Variants in FARS2 observed in about 807,000 individuals in gnomAD.
FARS2 encodes phenylalanine--tRNA ligase, mitochondrial.
FARS2 carries 40 observed loss-of-function variants against 46.4 expected under a neutral mutation model. That is an observed-to-expected ratio of 0.86 (90% confidence interval 0.67 to 1.12). The LOEUF is 1.12. Ranked by LOEUF, FARS2 falls within the 50% of genes most tolerant of loss-of-function variation. The pLI is 0.00. For missense variants in FARS2, 513 were observed against 567.9 expected, an observed-to-expected ratio of 0.90 and a Z score of 0.98; for synonymous variants, 234 against 214.9, an observed-to-expected ratio of 1.09 and a Z score of -0.78.
chr6:5,554,001 C>G (rs1170739095), intron 5 of FARS2, among the ~76,000 whole-genome samples: 1 of 152,160 alleles, frequency 6.6e-6, no homozygotes, highest in Non-Finnish European at 1.5e-5. Context: ...TTGAGTATAA[C>G]TATTATAATA....
At chr6:5,693,133 A>G (rs1757872055) in intron 6 of FARS2, among the ~76,000 whole-genome samples, 1 of 152,256 alleles carries the variant, frequency 6.6e-6, no homozygotes, top group African/African-American at 2.4e-5. Context: ...TTTACTTTAC[A>G]CATAGCAAAT....
intron 6 of FARS2, among the ~76,000 whole-genome samples, chr6:5,650,328 T>A (rs9504469): frequency 0.066 from 9,823 of 149,660 alleles, 891 homozygotes; most frequent in African/African-American, 0.2. Flanking sequence ...AAAATATATG[T>A]ACATCATGGA....
intron 1 of FARS2, among the ~76,000 whole-genome samples, chr6:5,302,546 C>T (rs922844588): frequency 6.6e-6 from 1 of 152,160 alleles, no homozygotes; most frequent in African/African-American, 2.4e-5. Flanking sequence ...CACACTGAAT[C>T]CTCTCCTCAA....
intron 6 of FARS2, among the ~76,000 whole-genome samples, chr6:5,633,758 T>C (rs1351583867): frequency 6.6e-6 from 1 of 152,208 alleles, no homozygotes; most frequent in Non-Finnish European, 1.5e-5. Flanking sequence ...TTATGACTGG[T>C]GAAACAAAAT....
At chr6:5,650,774 G>T (rs1777319854) in intron 6 of FARS2, among the ~76,000 whole-genome samples, 1 of 152,158 alleles carries the variant, frequency 6.6e-6, no homozygotes, top group Admixed American at 6.5e-5. Context: ...ACCCTGCCTG[G>T]CCAAAGTGGG....
At chr6:5,314,969 G>A (rs1304496724) in intron 1 of FARS2, among the ~76,000 whole-genome samples, 2 of 152,172 alleles carry the variant, frequency 1.3e-5, no homozygotes, top group African/African-American at 2.4e-5. Flanking sequence ...TCTCTCTTTA[G>A]GAAAATCCAG....
Position 5,476,993 on chromosome 6 carries a change from C to T in FARS2, c.904+45821C>T, listed in dbSNP as rs190528829. On this transcript the variant is annotated intron_variant, in intron 4 of 6. Coordinates refer to ENST00000274680, the MANE Select transcript of FARS2 (RefSeq NM_006567.5). ...TTGAGAATGTAGAAATGAAGACAGA[C>T]TACTTTTATAATCAGAAGAAAATAT... 7.9e-4 allele frequency among the ~76,000 whole-genome samples: 120 copies of T among 152,248 alleles called. 1 individual carries two copies. The highest frequency in any genetic ancestry group is 2.8e-3 in the African/African-American group (118 of 41,542).
chr6:5,474,507 C>T (rs1286826526), intron 4 of FARS2, among the ~76,000 whole-genome samples: 1 of 152,148 alleles, frequency 6.6e-6, no homozygotes, highest in South Asian at 2.1e-4. Flanking sequence ...GTGTAGCCTA[C>T]TACACACCTA....
intron 1 of FARS2, among the ~76,000 whole-genome samples, chr6:5,364,782 C>T (rs751456277): frequency 2.0e-5 from 3 of 152,174 alleles, no homozygotes; most frequent in Non-Finnish European, 4.4e-5. Flanking sequence ...CCTGTAATCC[C>T]AGCACTTTGG....
Position 5,766,969 on chromosome 6 carries a change from G to A in FARS2, c.1218-4322G>A, listed in dbSNP as rs145450538. On this transcript the variant is annotated intron_variant, in intron 6 of 6. Coordinates refer to ENST00000274680, the MANE Select transcript of FARS2 (RefSeq NM_006567.5). ...TTGAGGTTCATCCACATTCCATCTA[G>A]TATCCATCCATGTATCAGTACTTCA... is the stretch of plus-strand genomic sequence containing the variant. 4.0e-5 allele frequency among the ~76,000 whole-genome samples: 6 copies of A among 151,170 alleles called. No individual in the cohort carries two copies. The Admixed American group carries it at 4.0e-4, about 10-fold the overall frequency.
At chr6:5,684,746 A>C (rs1440399219) in intron 6 of FARS2, among the ~76,000 whole-genome samples, 1 of 152,194 alleles carries the variant, frequency 6.6e-6, no homozygotes, top group African/African-American at 2.4e-5. Flanking sequence ...TGGATGTTGA[A>C]AGGACAATTT....
intron 2 of FARS2, among the ~76,000 whole-genome samples, chr6:5,375,905 A>G (rs1008419422): frequency 3.9e-5 from 6 of 152,180 alleles, no homozygotes; most frequent in Admixed American, 2.0e-4. Context: ...CTGATAGAAT[A>G]TAATATCATA....
chr6:5,578,808 C>CAAAAAAAAAAAAA (rs56248218), intron 5 of FARS2, among the ~76,000 whole-genome samples: 5 of 124,374 alleles, frequency 4.0e-5, no homozygotes, highest in Non-Finnish European at 6.6e-5. Flanking sequence ...CACTCCGTCT[C>CAAAAAAAAAAAAA]AAAAAAAAAA....
chr6:5,308,790 T>C (rs1033018066), intron 1 of FARS2, among the ~76,000 whole-genome samples: 7 of 152,206 alleles, frequency 4.6e-5, no homozygotes, highest in African/African-American at 1.7e-4. Flanking sequence ...CAAAATATCA[T>C]AAACTGGGTG....
chr6:5,644,959 A>T (rs1440776497), intron 6 of FARS2, among the ~76,000 whole-genome samples: 1 of 152,228 alleles, frequency 6.6e-6, no homozygotes, highest in Non-Finnish European at 1.5e-5. Flanking sequence ...TAGAAAAGAG[A>T]CTGAACAAAC....
chr6:5,598,715 A>G (rs1315552173), intron 5 of FARS2, among the ~76,000 whole-genome samples: 1 of 152,168 alleles, frequency 6.6e-6, no homozygotes, highest in East Asian at 1.9e-4. Flanking sequence ...AGAAATCGAA[A>G]ACATGTAGTA....
intron 4 of FARS2, among the ~76,000 whole-genome samples, chr6:5,524,616 C>T (rs972311381): frequency 3.3e-5 from 5 of 152,334 alleles, no homozygotes; most frequent in Non-Finnish European, 7.3e-5. Context: ...ACCAGGTCCT[C>T]TTCTGAGCCC....
intron 1 of FARS2, among the ~76,000 whole-genome samples, chr6:5,283,660 T>C (rs1177601423): frequency 1.3e-5 from 2 of 152,196 alleles, no homozygotes; most frequent in East Asian, 1.9e-4. Context: ...TTCTTATATA[T>C]GCATGTATAT....
intron 4 of FARS2, among the ~76,000 whole-genome samples, chr6:5,494,871 T>C (rs1161521928): frequency 1.3e-5 from 2 of 152,338 alleles, no homozygotes; most frequent in Middle Eastern, 3.4e-3. Flanking sequence ...GAAAACTAGA[T>C]GAGGAAAAAG....
Sources: allele counts gnomAD v4.1 joint callset (sites outside exome capture counted in the v4.1 genomes callset), GRCh38; gene constraint gnomAD v4.1.1; transcripts MANE v1.5; gene names NCBI Gene and HGNC (gene_info 2026-07-23, HGNC 2026-07-21).